Variants in AGMO observed in about 807,000 individuals in gnomAD.
AGMO encodes the protein alkylglycerol monooxygenase.
AGMO carries 75 observed loss-of-function variants against 60.2 expected under a neutral mutation model. The ratio of observed to expected loss-of-function variants is 1.25; its 90% CI spans 1.03 to 1.51. The LOEUF is 1.51. AGMO is among the 40% of genes most tolerant of loss of function. The probability of loss-of-function intolerance (pLI) is 0.00; values close to 1 mark genes in which losing one functional copy is unlikely to be tolerated. For synonymous variants in AGMO, 261 were observed against 177.1 expected (o/e 1.47, Z -3.76); for missense variants, 763 against 525.5 (o/e 1.45, Z -4.42).
the AGMO span, among the ~76,000 whole-genome samples, chr7:15,157,326 G>A: frequency 3.9e-5 from 6 of 152,198 alleles, no homozygotes; most frequent in Non-Finnish European, 8.8e-5. Flanking sequence ...AGAGTAAAGA[G>A]TGGAGTGACA....
intron 3 of AGMO, among the ~76,000 whole-genome samples, chr7:15,531,606 ATTCTAT>A (rs1784364208): frequency 1.7e-5 from 2 of 120,798 alleles, no homozygotes; most frequent in African/African-American, 6.6e-5. Context: ...CTATATATAT[ATTCTAT>A]GTATATTCTA....
intron 12 of AGMO, among the ~76,000 whole-genome samples, chr7:15,286,375 G>GA (rs1020796152): frequency 1.0e-4 from 15 of 150,296 alleles, no homozygotes; most frequent in South Asian, 2.1e-4. Flanking sequence ...AAATCAGCAG[G>GA]AAAAAAAACA....
intron 2 of AGMO, among the ~76,000 whole-genome samples, chr7:15,550,023 C>A (rs558240411): frequency 0.017 from 2,660 of 152,080 alleles, 87 homozygotes; most frequent in African/African-American, 0.06. Context: ...CACTCAAAAC[C>A]GCTCAACTAC....
chr7:15,318,928 T>C (rs1781023820), intron 12 of AGMO, among the ~76,000 whole-genome samples: 1 of 152,166 alleles, frequency 6.6e-6, no homozygotes, highest in African/African-American at 2.4e-5. Context: ...GTGACGAATC[T>C]TACTTGATCA....
intron 3 of AGMO, among the ~76,000 whole-genome samples, chr7:15,461,344 C>G (rs1337757482): frequency 1.3e-5 from 2 of 151,052 alleles, no homozygotes; most frequent in African/African-American, 4.9e-5. Flanking sequence ...AAAAAAAAAC[C>G]ATGATAAATA....
the AGMO span, among the ~76,000 whole-genome samples, chr7:15,148,300 G>C: frequency 6.6e-6 from 1 of 151,948 alleles, no homozygotes. Flanking sequence ...TGTGGACATA[G>C]AGTTCTAGGT....
chr7:15,189,697 A>G, the AGMO span, among the ~76,000 whole-genome samples: 6 of 152,172 alleles, frequency 3.9e-5, no homozygotes, highest in African/African-American at 1.4e-4. Context: ...TCAGTTATGA[A>G]AATATCTAAA....
the AGMO span, among the ~76,000 whole-genome samples, chr7:15,147,018 C>CA: frequency 4.0e-5 from 6 of 151,712 alleles, no homozygotes; most frequent in African/African-American, 9.7e-5. Flanking sequence ...AAACAAAAAA[C>CA]AAAAAAACCC....
At chr7:15,395,181 G>A (rs1784321363) in intron 5 of AGMO, among the ~76,000 whole-genome samples, 2 of 152,280 alleles carry the variant, frequency 1.3e-5, no homozygotes, top group Non-Finnish European at 2.9e-5. Flanking sequence ...GATATTTTAA[G>A]ACATGACTCA....
intron 4 of AGMO, among the ~76,000 whole-genome samples, chr7:15,425,700 A>G (rs1781041373): frequency 2.0e-5 from 3 of 152,136 alleles, no homozygotes; most frequent in Non-Finnish European, 4.4e-5. Flanking sequence ...TCAGCCTCCC[A>G]AAGTACTGGG....
the AGMO span, among the ~76,000 whole-genome samples, chr7:15,152,653 G>A: frequency 6.6e-6 from 1 of 152,022 alleles, no homozygotes; most frequent in Non-Finnish European, 1.5e-5. Context: ...TTTCATCCAG[G>A]TTGCTGTGAA....
intron 12 of AGMO, among the ~76,000 whole-genome samples, chr7:15,342,333 G>C (rs115282437): frequency 1.3e-5 from 2 of 151,886 alleles, no homozygotes; most frequent in African/African-American, 4.8e-5. Context: ...AAACAAAGGA[G>C]GGAAAGGTCA....
intron 3 of AGMO, among the ~76,000 whole-genome samples, chr7:15,505,678 G>A (rs1783495637): frequency 6.6e-6 from 1 of 151,686 alleles, no homozygotes; most frequent in Admixed American, 6.6e-5. Context: ...GACTACTTCT[G>A]AAAAAAACAA....
At chr7:15,317,104 C>T (rs992370033) in intron 12 of AGMO, among the ~76,000 whole-genome samples, 1 of 152,136 alleles carries the variant, frequency 6.6e-6, no homozygotes, top group Non-Finnish European at 1.5e-5. Context: ...AGTGAATCTT[C>T]TTTGTGATTC....
chr7:15,352,445 ATGTT>A (rs1283704992), intron 12 of AGMO, among the ~76,000 whole-genome samples: 2 of 145,972 alleles, frequency 1.4e-5, no homozygotes, highest in African/African-American at 2.6e-5. Flanking sequence ...TTCCAGAAGT[ATGTT>A]TTTTTTTTTT....
chr7:15,351,619 T>C (rs1302768381), intron 12 of AGMO, among the ~76,000 whole-genome samples: 2 of 152,174 alleles, frequency 1.3e-5, no homozygotes, highest in East Asian at 3.9e-4. Context: ...CAGGTGACAA[T>C]CCAGATAGCT....
At chr7:15,481,789 A>ATTTTT (rs5882513) in intron 3 of AGMO, among the ~76,000 whole-genome samples, 171 of 98,654 alleles carry the variant, frequency 1.7e-3, no homozygotes, top group Middle Eastern at 6.1e-3. Context: ...GACTAAATGT[A>ATTTTT]TTTTTTTTTT....
At chr7:15,207,354 G>A (rs1781464862) in intron 12 of AGMO, among the ~76,000 whole-genome samples, 1 of 152,120 alleles carries the variant, frequency 6.6e-6, no homozygotes, top group Admixed American at 6.6e-5. Flanking sequence ...TGAATAAAGT[G>A]TTTTTAAAAG....
chr7:15,319,318 C>T (rs964588661), intron 12 of AGMO, among the ~76,000 whole-genome samples: 1 of 152,126 alleles, frequency 6.6e-6, no homozygotes, highest in African/African-American at 2.4e-5. Flanking sequence ...GTTCAACTTT[C>T]ATGAATATTT....
Sources: allele counts gnomAD v4.1 joint callset (sites outside exome capture counted in the v4.1 genomes callset), GRCh38; gene constraint gnomAD v4.1.1; transcripts MANE v1.5; gene names NCBI Gene and HGNC (gene_info 2026-07-23, HGNC 2026-07-21).